The following TMEM132B variants were observed in gnomAD, a reference collection of about 807,000 sequenced individuals.
TMEM132B encodes the protein transmembrane protein 132B.
A neutral mutation model predicts 90.8 loss-of-function variants in TMEM132B; 18 were observed. The observed-to-expected ratio is 0.20, with a 90% confidence interval of 0.14 to 0.29. The LOEUF (loss-of-function observed/expected upper bound fraction) is 0.29, where lower values mean the gene tolerates loss of function less well. TMEM132B is among the 10% of genes least tolerant of loss of function. The pLI is 1.00. For missense variants in TMEM132B, 1,096 were observed against 1,326.8 expected (o/e 0.83, Z 2.70); for synonymous variants, 504 against 523.3 (o/e 0.96, Z 0.50).
chr12:125,603,303 C>A (rs927001871), intron 5 of TMEM132B, among the ~76,000 whole-genome samples: 2 of 152,146 alleles, frequency 1.3e-5, no homozygotes, highest in Non-Finnish European at 2.9e-5. Flanking sequence ...AATAACACCA[C>A]ATCTACAACC....
At chr12:125,529,758 CTTTTG>C (rs376442311) in intron 4 of TMEM132B, among the ~76,000 whole-genome samples, 46 of 152,236 alleles carry the variant, frequency 3.0e-4, no homozygotes, top group African/African-American at 8.7e-4. Context: ...TGTCTTTCGT[CTTTTG>C]TTTTGTGTAA....
At chr12:125,606,770 C>A (rs1566087653) in intron 5 of TMEM132B, among the ~76,000 whole-genome samples, 1 of 152,234 alleles carries the variant, frequency 6.6e-6, no homozygotes, top group African/African-American at 2.4e-5. Flanking sequence ...GACCTGGGAC[C>A]ACTGAGCCCA....
intron 1 of TMEM132B, among the ~76,000 whole-genome samples, chr12:125,203,691 C>A (rs1873118711): frequency 1.3e-5 from 2 of 152,112 alleles, no homozygotes; most frequent in Admixed American, 1.3e-4. Context: ...AAATATTTTT[C>A]ATTAATACAT....
At chr12:125,563,599 A>AAACAAACC (rs1555258801) in intron 4 of TMEM132B, among the ~76,000 whole-genome samples, 15 of 113,322 alleles carry the variant, frequency 1.3e-4, no homozygotes, top group African/African-American at 4.8e-4. Context: ...ACAAACAAAC[A>AAACAAACC]AAAAAAAACC....
intron 3 of TMEM132B, among the ~76,000 whole-genome samples, chr12:125,430,780 A>G (rs555013522): frequency 1.1e-4 from 17 of 152,340 alleles, no homozygotes; most frequent in African/African-American, 3.4e-4. Flanking sequence ...ACTTACATCT[A>G]TAGAAAGGAA....
intron 1 of TMEM132B, among the ~76,000 whole-genome samples, chr12:125,219,466 TGGGGGAACTGTCCTTCCCCTA>T (rs1393253790): frequency 6.6e-6 from 1 of 152,146 alleles, no homozygotes; most frequent in African/African-American, 2.4e-5. Context: ...CCTGGCATCT[TGGGGGAACTGTCCTTCCCCTA>T]GGCACAATAA....
chr12:125,354,934 GT>G (rs1877718820), intron 2 of TMEM132B, among the ~76,000 whole-genome samples: 1 of 152,152 alleles, frequency 6.6e-6, no homozygotes, highest in East Asian at 1.9e-4. Flanking sequence ...TCACGTCCAT[GT>G]TATGGATATG....
At position 125,243,032 on chromosome 12, in the gene TMEM132B, T is replaced by TATATATATATATATATATATAC. The variant is rs1215676534; in HGVS notation, c.67+56167_67+56168insTATATATATATATATATATACA. Among the ~76,000 whole-genome samples the TATATATATATATATATATATAC allele has an allele frequency of 3.9e-3, 531 of 134,840 alleles. 3 individuals are homozygous for TATATATATATATATATATATAC. The highest frequency in any genetic ancestry group is 6.8e-3 in the Non-Finnish European group (430 of 62,964). The allele number at this position is 134,840 out of a possible 152,430, so 88.5% of individuals were successfully genotyped here. On this transcript the variant is annotated intron_variant, in intron 1 of 8. Coordinates refer to ENST00000682704, the MANE Select transcript of TMEM132B (RefSeq NM_001366854.1). Reference sequence around the variant, plus strand: ...CTTCATATATATATATATATATATATACACACACACACACACACACATACA... The same window carrying TATATATATATATATATATATAC: ...CTTCATATATATATATATATATATATATATATATATATATATATATACACACACACACACACACACACATACA...
intron 1 of TMEM132B, among the ~76,000 whole-genome samples, chr12:125,269,779 C>A (rs376759745): frequency 6.6e-6 from 1 of 152,028 alleles, no homozygotes; most frequent in Non-Finnish European, 1.5e-5. Flanking sequence ...CATATACAAG[C>A]GCAGAAATAA....
intron 3 of TMEM132B, among the ~76,000 whole-genome samples, chr12:125,501,308 A>G (rs1020441416): frequency 1.3e-5 from 2 of 152,262 alleles, no homozygotes; most frequent in Admixed American, 6.5e-5. Context: ...TATTTGGGAA[A>G]TACTTATATT....
intron 2 of TMEM132B, among the ~76,000 whole-genome samples, chr12:125,381,666 A>C (rs992957086): frequency 6.6e-6 from 1 of 152,088 alleles, no homozygotes; most frequent in Non-Finnish European, 1.5e-5. Flanking sequence ...ACATGTGTCT[A>C]CTACTGTGTG....
intron 2 of TMEM132B, among the ~76,000 whole-genome samples, chr12:125,369,058 T>C (rs922403606): frequency 6.7e-6 from 1 of 149,690 alleles, no homozygotes; most frequent in Non-Finnish European, 1.5e-5. Flanking sequence ...TGTGTGATGT[T>C]CCCCACCCTG....
chr12:125,602,898 C>A (rs2136923345), intron 5 of TMEM132B, among the ~76,000 whole-genome samples: 1 of 152,200 alleles, frequency 6.6e-6, no homozygotes, highest in African/African-American at 2.4e-5. Flanking sequence ...AGGAATACAG[C>A]TGAAAAGGGA....
At chr12:125,285,782 C>T (rs1875335762) in intron 1 of TMEM132B, among the ~76,000 whole-genome samples, 2 of 152,208 alleles carry the variant, frequency 1.3e-5, no homozygotes. Flanking sequence ...AGGGCCTGGC[C>T]TGGGGCGTCG....
At chr12:125,241,700 G>T (rs1820930121) in intron 1 of TMEM132B, among the ~76,000 whole-genome samples, 1 of 152,172 alleles carries the variant, frequency 6.6e-6, no homozygotes, top group Non-Finnish European at 1.5e-5. Flanking sequence ...CTGGTCTCCA[G>T]GGCCATGAGA....
chr12:125,287,294 C>G (rs759440672), intron 1 of TMEM132B, among the ~76,000 whole-genome samples: 2 of 152,170 alleles, frequency 1.3e-5, no homozygotes, highest in African/African-American at 2.4e-5. Flanking sequence ...TCTCCCATCT[C>G]AAGATCCTTA....
chr12:125,608,941 G>T (rs1377876740), intron 5 of TMEM132B, among the ~76,000 whole-genome samples: 2 of 152,124 alleles, frequency 1.3e-5, no homozygotes, highest in African/African-American at 4.8e-5. Flanking sequence ...ATAAAGAAAA[G>T]ATATTTAATT....
In TMEM132B at chr12:125,661,064, A is replaced by G. The variant is rs981522745; in HGVS notation, c.*6354A>G. The stretch of plus-strand genomic sequence containing the variant: ...ATCTTTCTGTACTTCCTGTGGCCAA[A>G]AAAGCAAGTGAGACTTTCTGTTTCC... On this transcript the variant is annotated 3_prime_UTR_variant, in exon 9 of 9. Coordinates refer to ENST00000682704, the MANE Select transcript of TMEM132B (RefSeq NM_001366854.1). 2.0e-5 allele frequency: 3 copies of G among 152,238 alleles called. No homozygotes were observed. 9.4% of individuals were successfully genotyped at this position (152,238 alleles called of 1,614,324 possible).
intron 7 of TMEM132B, among the ~76,000 whole-genome samples, chr12:125,651,840 A>G (rs551992296): frequency 7.5e-4 from 114 of 152,288 alleles, no homozygotes; most frequent in African/African-American, 2.6e-3. Flanking sequence ...AGGACTGACC[A>G]AAGTCCCTGT....
Sources: gnomAD v4.1 joint callset for allele counts (sites outside exome capture counted in the v4.1 genomes callset) on GRCh38, gnomAD v4.1.1 for gene constraint, MANE v1.5 for transcripts, NCBI Gene and HGNC (gene_info 2026-07-23, HGNC 2026-07-21) for gene names.